Variants in CCDC149 observed in about 807,000 individuals in gnomAD.
CCDC149 encodes coiled-coil domain containing 149, also known as coiled-coil domain-containing protein 149.
CCDC149 carries 45 observed loss-of-function variants against 59.9 expected under a neutral mutation model. The ratio of observed to expected loss-of-function variants is 0.75; its 90% CI spans 0.59 to 0.96. The LOEUF is 0.96. CCDC149 is among the 40% of genes least tolerant of loss of function. The pLI, the probability that CCDC149 is intolerant of heterozygous loss-of-function variation, is 0.00. For synonymous variants in CCDC149, 245 were observed against 260.6 expected (o/e 0.94, Z 0.58); for missense variants, 584 against 664.7 (o/e 0.88, Z 1.33).
At chr4:24,923,679 G>C (rs1577487531) in intron 1 of CCDC149, among the ~76,000 whole-genome samples, 2 of 152,136 alleles carry the variant, frequency 1.3e-5, no homozygotes, top group African/African-American at 4.8e-5. Context: ...GGAGGGAAGA[G>C]AGTGACAAGA....
rs1165718179 is a variant in CCDC149 at position 24,874,265 on chromosome 4, G to GT, written c.226-547dup. Among the ~76,000 whole-genome samples the GT allele has an allele frequency of 1.1e-3, 35 of 31,902 alleles. No homozygotes were observed. In the South Asian group the frequency reaches 0.014, roughly 13 times the overall value. 20.9% of individuals were successfully genotyped at this position (31,902 alleles called of 152,430 possible). ...ATTTGTTTTTTTTTTTTTTTGTTTTGTTTTTTTTTGTTTTTTTGCCTTAAA... is the reference window on the plus strand; with the variant it reads ...ATTTGTTTTTTTTTTTTTTTGTTTTGTTTTTTTTTTGTTTTTTTGCCTTAAA... On this transcript the variant is annotated intron_variant, in intron 2 of 12. Transcript: ENST00000635206.
chr4:24,962,982 A>AG (rs1192055649), intron 1 of CCDC149, among the ~76,000 whole-genome samples: 38 of 151,908 alleles, frequency 2.5e-4, no homozygotes, highest in Non-Finnish European at 4.4e-5. Flanking sequence ...AAACTTAAAA[A>AG]AAAAAGAAAA....
At chr4:24,913,448 G>T (rs945702670), upstream of CCDC149, among the ~76,000 whole-genome samples, 1 of 152,198 alleles carries the variant, frequency 6.6e-6, no homozygotes. Flanking sequence ...TTTGTTGAAC[G>T]CAAGAATGAA....
chr4:24,849,052 C>A (rs2109173344), intron 4 of CCDC149, among the ~76,000 whole-genome samples: 1 of 152,252 alleles, frequency 6.6e-6, no homozygotes, highest in East Asian at 1.9e-4. Context: ...GCTGTTTGAC[C>A]TACTAATCCT....
At chr4:24,843,162 G>A (rs1333022982) in intron 4 of CCDC149, among the ~76,000 whole-genome samples, 1 of 152,218 alleles carries the variant, frequency 6.6e-6, no homozygotes, top group Non-Finnish European at 1.5e-5. Flanking sequence ...AACTTCATGA[G>A]CTTTCAAAGT....
At chr4:24,835,272 C>CGGA (rs1560208635) in intron 7 of CCDC149, among the ~76,000 whole-genome samples, 1 of 152,168 alleles carries the variant, frequency 6.6e-6, no homozygotes, top group Non-Finnish European at 1.5e-5. Flanking sequence ...TTACAGTCCC[C>CGGA]TGTATACAAA....
intron 4 of CCDC149, 62 bp from the exon 5 acceptor site, chr4:24,838,334 C>T: frequency 8.3e-7 from 1 of 1,210,464 alleles, no homozygotes; most frequent in East Asian, 2.3e-5. Context: ...CAAATAAAAA[C>T]CAAAGGACAC....
At chr4:24,912,724 G>A in intron 1 of CCDC149, 93 bp downstream of exon 1, 3 of 918,788 alleles carry the variant, frequency 3.3e-6, no homozygotes. Flanking sequence ...CCCCCCTCTC[G>A]TCCCTCCCAG....
Position 24,812,457 on chromosome 4 carries a change from G to A in CCDC149, c.1193-3638C>T, listed in dbSNP as rs536755442. 2.6e-5 allele frequency among the ~76,000 whole-genome samples: 4 copies of A among 152,312 alleles called. No homozygotes were observed. The East Asian group carries it at 5.8e-4, about 22-fold the overall frequency. ...CTTCTTGTAGAAGATACAGACCCAC[G>A]TTTCTGGCTGCCAATAGGATCCTCT... On this transcript the variant is annotated intron_variant, in intron 12 of 12. Coordinates refer to ENST00000635206, the MANE Select transcript of CCDC149 (RefSeq NM_001330643.2).
intron 4 of CCDC149, among the ~76,000 whole-genome samples, chr4:24,850,954 G>A (rs1394817365): frequency 6.6e-6 from 1 of 151,984 alleles, no homozygotes; most frequent in Non-Finnish European, 1.5e-5. Context: ...GGGGCTTACT[G>A]CAGTTAGACT....
At chr4:24,805,402 T>G (rs1045934233), downstream of CCDC149, among the ~76,000 whole-genome samples, 3 of 152,188 alleles carry the variant, frequency 2.0e-5, no homozygotes, top group African/African-American at 7.2e-5. Flanking sequence ...GCCCCTCCCC[T>G]TAACTCCAAA....
chr4:24,868,834 G>A (rs1718853135), intron 3 of CCDC149, among the ~76,000 whole-genome samples: 1 of 152,168 alleles, frequency 6.6e-6, no homozygotes, highest in African/African-American at 2.4e-5. Flanking sequence ...GCTCTGAGTG[G>A]ACTGCAGAGG....
intron 3 of CCDC149, among the ~76,000 whole-genome samples, chr4:24,859,595 A>T (rs1424225751): frequency 6.6e-6 from 1 of 152,232 alleles, no homozygotes. Context: ...AGTCCTAGCA[A>T]GAGCAATCAG....
chr4:24,909,069 G>A (rs1721720468), intron 1 of CCDC149, among the ~76,000 whole-genome samples: 1 of 152,130 alleles, frequency 6.6e-6, no homozygotes, highest in Non-Finnish European at 1.5e-5. Flanking sequence ...GCATGGGTGT[G>A]TTTACTTCCA....
At chr4:24,943,837 G>T (rs1723020781) in intron 1 of CCDC149, among the ~76,000 whole-genome samples, 1 of 152,210 alleles carries the variant, frequency 6.6e-6, no homozygotes, top group Non-Finnish European at 1.5e-5. Context: ...GGCCATCAGA[G>T]AAATGCAAAT....
intron 1 of CCDC149, among the ~76,000 whole-genome samples, chr4:24,959,515 G>A (rs1343806572): frequency 6.6e-6 from 1 of 152,046 alleles, no homozygotes; most frequent in Non-Finnish European, 1.5e-5. Flanking sequence ...TTGAATAAAC[G>A]ATGGCAAAAA....
At chr4:24,962,252 CGCA>C (rs1282357209) in intron 1 of CCDC149, among the ~76,000 whole-genome samples, 1 of 151,968 alleles carries the variant, frequency 6.6e-6, no homozygotes, top group Non-Finnish European at 1.5e-5. Flanking sequence ...AAATCAAAAC[CGCA>C]ATGAGATACC....
chr4:24,832,648 T>A (rs190954119), intron 8 of CCDC149, among the ~76,000 whole-genome samples: 1 of 152,276 alleles, frequency 6.6e-6, no homozygotes, highest in East Asian at 1.9e-4. Context: ...GTGTACACTT[T>A]CAAAAAATTC....
chr4:24,857,954 C>T (rs999729488), intron 3 of CCDC149, among the ~76,000 whole-genome samples: 3 of 152,092 alleles, frequency 2.0e-5, no homozygotes, highest in African/African-American at 7.2e-5. Context: ...AACTCCAAAA[C>T]AATAACTTTG....
Sources: gnomAD v4.1 joint callset for allele counts (sites outside exome capture counted in the v4.1 genomes callset) on GRCh38, gnomAD v4.1.1 for gene constraint, MANE v1.5 for transcripts, NCBI Gene and HGNC (gene_info 2026-07-23, HGNC 2026-07-21) for gene names.